The following MCM5 variants were observed in gnomAD, a reference collection of about 807,000 sequenced individuals.
MCM5 encodes the protein minichromosome maintenance complex component 5.
A neutral mutation model predicts 79.9 loss-of-function variants in MCM5; 46 were observed. The ratio of observed to expected loss-of-function variants is 0.58; its 90% CI spans 0.45 to 0.74. The LOEUF (loss-of-function observed/expected upper bound fraction) is 0.74, where lower values mean the gene tolerates loss of function less well. Ranked by LOEUF, MCM5 falls within the 30% of genes least tolerant of loss-of-function variation. The pLI is 0.00. For missense variants in MCM5, 883 were observed against 1,017.0 expected (o/e 0.87, Z 1.79); for synonymous variants, 404 against 390.5 (o/e 1.03, Z -0.41).
chr22:35,416,781 C>T lies in MCM5; in HGVS notation c.1557C>T (p.Ile519=), dbSNP rs767357115. The T allele has an allele frequency of 4.5e-5, 72 of 1,614,036 alleles. No individual in the cohort carries two copies. Among genetic ancestry groups the T allele is most frequent in the East Asian group, 1.8e-4 (8 of 44,880 alleles). The change falls in exon 12 of 17, where the codon ATC becomes ATT. Residue 519 remains isoleucine, a synonymous_variant. Coordinates refer to ENST00000216122, the MANE Select transcript of MCM5 (RefSeq NM_006739.4). The part of the protein sequence containing the change: ...TILSRFDMIF[I]VKDEHNEERD... ...TGTCGCGCTTCGACATGATCTTCAT[C>T]GTCAAGGATGAGCACAATGAGGAGA...
chr22:35,454,963 G>A, the MCM5 span, among the ~76,000 whole-genome samples: 1 of 151,916 alleles, frequency 6.6e-6, no homozygotes, highest in South Asian at 2.1e-4. Context: ...ATTGGCCCTG[G>A]TCGAGAACTA....
At chr22:35,411,149 C>T (rs1333276007) in intron 7 of MCM5, 1 of 359,746 alleles carries the variant, frequency 2.8e-6, no homozygotes, top group Non-Finnish European at 5.1e-6. Context: ...GGACTGAGGT[C>T]AAATCACTGG....
chr22:35,412,433 C>A, intron 7 of MCM5, 77 bp from the exon 8 acceptor site: 1 of 1,299,754 alleles, frequency 7.7e-7, no homozygotes, highest in Non-Finnish European at 1.0e-6. Flanking sequence ...TGGGAGGTCC[C>A]TGAGCTGGTG....
Position 35,406,301 on chromosome 22 carries a change from C to CCT in MCM5, c.424-251_424-250insTC, listed in dbSNP as rs1017863260. ...AGTGTATCTCTTGCCCTGCCACCTC[C>CCT]CCCCCCAATTGTGCTGCGAGGTCTT... is the stretch of plus-strand genomic sequence containing the variant. On this transcript the variant is annotated intron_variant, in intron 4 of 16. Transcript: ENST00000216122. Among the ~76,000 whole-genome samples the CCT allele has an allele frequency of 5.0e-5, 7 of 139,140 alleles. No homozygotes were observed. The East Asian group carries it at 9.9e-4, about 20-fold the overall frequency. 91.3% of individuals were successfully genotyped at this position (139,140 alleles called of 152,430 possible). A position where few individuals can be genotyped will look rare whatever the true frequency, so the allele number is the denominator to read the frequency against.
chr22:35,453,944 G>C, the MCM5 span, among the ~76,000 whole-genome samples: 2 of 151,566 alleles, frequency 1.3e-5, no homozygotes, highest in Non-Finnish European at 2.9e-5. Flanking sequence ...TGGAGACTTC[G>C]GGGGACAAGT....
At chr22:35,455,030 A>C in the MCM5 span, among the ~76,000 whole-genome samples, 2 of 151,646 alleles carry the variant, frequency 1.3e-5, no homozygotes, top group African/African-American at 2.4e-5. Context: ...TATTTATAAT[A>C]ATCTCCTCTT....
intron 14 of MCM5, among the ~76,000 whole-genome samples, 185 bp downstream of exon 14, chr22:35,420,197 T>C (rs1361475796): frequency 1.3e-5 from 2 of 152,226 alleles, no homozygotes; most frequent in African/African-American, 4.8e-5. Context: ...GATCCATGTT[T>C]CTTGATTTAA....
chr22:35,439,443 TAATC>T, the MCM5 span, among the ~76,000 whole-genome samples: 4 of 5,592 alleles, frequency 7.2e-4, no homozygotes, highest in African/African-American at 4.2e-3. Context: ...ACCCACATAT[TAATC>T]CATTCACCCA....
chr22:35,414,968 G>A (rs1178572529), intron 9 of MCM5, among the ~76,000 whole-genome samples: 1 of 152,162 alleles, frequency 6.6e-6, no homozygotes, highest in Non-Finnish European at 1.5e-5. Context: ...TGGATAGATA[G>A]GAAGTGTGCC....
chr22:35,452,586 G>A, the MCM5 span, among the ~76,000 whole-genome samples: 1 of 152,214 alleles, frequency 6.6e-6, no homozygotes, highest in Non-Finnish European at 1.5e-5. Context: ...CAGCGGGCAG[G>A]GCAGGGCAGG....
the MCM5 span, among the ~76,000 whole-genome samples, chr22:35,434,664 AG>A: frequency 2.0e-5 from 3 of 152,334 alleles, no homozygotes; most frequent in African/African-American, 7.2e-5. Context: ...CCCCACAAGG[AG>A]GAACTATTAG....
chr22:35,432,672 A>C, the MCM5 span, among the ~76,000 whole-genome samples: 1 of 151,194 alleles, frequency 6.6e-6, no homozygotes, highest in African/African-American at 2.4e-5. Flanking sequence ...CCCTTCGGCA[A>C]CTCCAGCCTG....
chr22:35,420,045 A>G lies in MCM5; in HGVS notation c.1832+33A>G, dbSNP rs753771673. The G allele has an allele frequency of 2.5e-6, 4 of 1,580,994 alleles. No homozygotes were observed. In the South Asian group the frequency reaches 3.5e-5, roughly 14 times the overall value. On this transcript the variant is annotated intron_variant, in intron 14 of 16. Coordinates refer to ENST00000216122, the MANE Select transcript of MCM5 (RefSeq NM_006739.4). ...GGCGGGCAGGGCTGGGCCATGGCAG[A>G]TGGGGCTTGCTTTACACAGCAGGGT...
chr22:35,416,622 G>A lies in MCM5; in HGVS notation c.1414-16G>A, dbSNP rs377674113. 1,109 of 1,605,206 alleles carry A rather than the reference G, an allele frequency of 6.9e-4. 21 individuals are homozygous for A. The South Asian group carries it at 0.011, about 16-fold the overall frequency. On this transcript the variant is annotated splice_polypyrimidine_tract_variant and intron_variant, in intron 11 of 16. Transcript: ENST00000216122. ...TTGCCATCTCCTCCCCCTTTTCGTC[G>A]TCTGTCGCCTGTTAGGCTGGGATCA...
the MCM5 span, among the ~76,000 whole-genome samples, chr22:35,453,518 C>CAGAGAT: frequency 1.0e-5 from 1 of 97,664 alleles, no homozygotes; most frequent in South Asian, 3.1e-4. Flanking sequence ...GGTAGAGCAT[C>CAGAGAT]AGAGACAGAA....
In MCM5 at chr22:35,415,893, C is replaced by G; in HGVS notation, c.1268C>G (p.Ser423Trp). The change falls in exon 10 of 17, where the codon TCG (serine) becomes TGG (tryptophan). Residue 423 changes from serine to tryptophan, a missense_variant. Physicochemically the swap from Ser to Trp is radical, Grantham distance 177. Transcript: ENST00000216122. ...GLTASVMRDP[S>W]SRNFIMEGGA... ...ACAGCCTCGGTGATGAGGGACCCTTCGTCCCGGAATTTCATCATGGAGGGC... is the reference window on the plus strand; with the variant it reads ...ACAGCCTCGGTGATGAGGGACCCTTGGTCCCGGAATTTCATCATGGAGGGC... The G allele has an allele frequency of 6.2e-7, 1 of 1,614,140 alleles. No homozygotes were observed. The highest frequency in any genetic ancestry group is 1.3e-5 in the African/African-American group (1 of 75,034).
chr22:35,416,511 C>CTGTGTGTGTGTGTGTGTGTGTGTGTG (rs133421), intron 11 of MCM5, 107 bp downstream of exon 11: 3 of 1,024,210 alleles, frequency 2.9e-6, no homozygotes, highest in East Asian at 5.9e-5. Context: ...GGCCTAGAAT[C>CTGTGTGTGTGTGTGTGTGTGTGTGTG]TGTGTGTGTG....
In MCM5 at chr22:35,421,370, C is replaced by T; in HGVS notation, c.1885C>T (p.Gln629Ter). ...GGAAGCCCTCAGCAAGATGAAGCTG[C>T]AGCCCTTCGCCACAGAGGCAGATGT... Reference protein sequence around the residue: ...IAEALSKMKLQPFATEADVEE... With the variant: ...IAEALSKMKL The change falls in exon 15 of 17, where the codon CAG (glutamine) becomes TAG (stop). Residue 629 changes from glutamine (Q) to a stop codon, truncating the protein, a stop_gained. Coordinates refer to ENST00000216122, the MANE Select transcript of MCM5 (RefSeq NM_006739.4). LOFTEE classifies it high-confidence loss of function. 2 of 1,614,062 alleles carry T rather than the reference C, an allele frequency of 1.2e-6. No individual in the cohort carries two copies. Among genetic ancestry groups the T allele is most frequent in the Admixed American group, 1.7e-5 (1 of 60,028 alleles).
chr22:35,438,586 T>C, the MCM5 span, among the ~76,000 whole-genome samples: 1 of 38,608 alleles, frequency 2.6e-5, no homozygotes, highest in Non-Finnish European at 5.4e-5. Flanking sequence ...CATCCATCCA[T>C]CCATCCATGC....
Sources: gnomAD v4.1 joint callset for allele counts (sites outside exome capture counted in the v4.1 genomes callset) on GRCh38, gnomAD v4.1.1 for gene constraint, MANE v1.5 for transcripts, NCBI Gene and HGNC (gene_info 2026-07-23, HGNC 2026-07-21) for gene names.